The following WASHC2A variants were observed in gnomAD, a reference collection of about 807,000 sequenced individuals.
The protein encoded by WASHC2A is WASH complex subunit 2A, also known as WASH complex subunit FAM21A.
In WASHC2A, 82 loss-of-function variants were observed where a neutral mutation model predicts 140.3. The ratio of observed to expected loss-of-function variants is 0.58; its 90% confidence interval spans 0.49 to 0.70. WASHC2A has a LOEUF of 0.70. Among genes scored for constraint, WASHC2A ranks in the 30% least tolerant of loss-of-function variants. WASHC2A has a pLI of 0.00. For missense variants in WASHC2A, 985 were observed against 1,521.8 expected (o/e 0.65, Z 5.87); for synonymous variants, 340 against 560.8 (o/e 0.61, Z 5.56).
chr10:50,091,565 G>A lies in WASHC2A; in HGVS notation c.931+47G>A, dbSNP rs1403188424. On this transcript the variant is annotated intron_variant, in intron 10 of 30. Coordinates refer to ENST00000282633, the MANE Select transcript of WASHC2A (RefSeq NM_001005751.3). ...GGGGAGTAGGGGGGGAGTAGTGCAG[G>A]GCCCTCTGCTGGCTTCACCAAAGGC... The A allele has an allele frequency of 4.4e-4, 677 of 1,547,744 alleles. 2 individuals are homozygous for A. The highest frequency in any genetic ancestry group is 1.7e-3 in the South Asian group (145 of 83,900).
intron 3 of WASHC2A, among the ~76,000 whole-genome samples, chr10:50,069,953 G>T (rs187397031): frequency 9.9e-5 from 15 of 152,016 alleles, no homozygotes; most frequent in African/African-American, 3.6e-4. Flanking sequence ...ATCTTTTGTC[G>T]TTTTGAGAGT....
At chr10:50,115,813 A>T (rs1842624933) in intron 21 of WASHC2A, among the ~76,000 whole-genome samples, 1 of 150,868 alleles carries the variant, frequency 6.6e-6, no homozygotes, top group Non-Finnish European at 1.5e-5. Flanking sequence ...ATTTTCTGAC[A>T]CCTATCAAGA....
chr10:50,078,568 C>T lies in WASHC2A; in HGVS notation c.292-107C>T, dbSNP rs879988445. ...TGGTCTCAGCCCTTTGCTGAATAACCATTTCCTTCCCCATCTTTGTCCTTA... is the reference window on the plus strand; with the variant it reads ...TGGTCTCAGCCCTTTGCTGAATAACTATTTCCTTCCCCATCTTTGTCCTTA... On this transcript the variant is annotated intron_variant, in intron 3 of 30. Transcript: ENST00000282633. The T allele has an allele frequency of 1.7e-5, 28 of 1,610,310 alleles. No individual in the cohort carries two copies. The South Asian group carries it at 2.6e-4, about 15-fold the overall frequency.
chr10:50,075,837 CT>C (rs1178908112), intron 3 of WASHC2A, among the ~76,000 whole-genome samples: 2 of 149,870 alleles, frequency 1.3e-5, no homozygotes, highest in African/African-American at 5.0e-5. Context: ...CCCATAATCT[CT>C]TTTTATTCAG....
chr10:50,090,538 TTA>T (rs1287651401), intron 8 of WASHC2A, among the ~76,000 whole-genome samples: 5 of 85,522 alleles, frequency 5.8e-5, no homozygotes, highest in Admixed American at 1.4e-4. Flanking sequence ...ATATTTATAT[TTA>T]TATATATATA....
intron 23 of WASHC2A, among the ~76,000 whole-genome samples, chr10:50,123,185 G>A (rs1843142642): frequency 8.2e-6 from 1 of 122,386 alleles, no homozygotes; most frequent in Non-Finnish European, 1.7e-5. Flanking sequence ...TTGGAGAACA[G>A]TTTGCTGTTC....
At chr10:50,082,346 T>G (rs1187181141) in intron 5 of WASHC2A, among the ~76,000 whole-genome samples, 6 of 151,932 alleles carry the variant, frequency 3.9e-5, no homozygotes, top group Non-Finnish European at 7.4e-5. Flanking sequence ...GTCAGAATTA[T>G]TCTCCCCTGC....
intron 17 of WASHC2A, among the ~76,000 whole-genome samples, chr10:50,100,969 C>T (rs1280568301): frequency 2.0e-5 from 3 of 152,308 alleles, no homozygotes; most frequent in African/African-American, 7.2e-5. Flanking sequence ...TAATAAGCCC[C>T]TTTTACAGAA....
intron 8 of WASHC2A, among the ~76,000 whole-genome samples, chr10:50,090,515 A>AAAATATATATATATATATAT (rs1214596899): frequency 3.7e-5 from 4 of 108,766 alleles, no homozygotes; most frequent in African/African-American, 1.3e-4. Context: ...AAAAAAAAAA[A>AAAATATATATATATATATAT]ATATATATAT....
chr10:50,116,573 A>G (rs1182372007), intron 21 of WASHC2A, among the ~76,000 whole-genome samples: 1 of 149,770 alleles, frequency 6.7e-6, no homozygotes, highest in Non-Finnish European at 1.5e-5. Flanking sequence ...TTGGCCTCCC[A>G]AAGTGCTTGG....
chr10:50,106,890 T>G (rs1479831924), intron 19 of WASHC2A, among the ~76,000 whole-genome samples: 14 of 18,164 alleles, frequency 7.7e-4, no homozygotes, highest in South Asian at 8.1e-3. Context: ...GTGTCAATTT[T>G]ATGCAGTCTG....
intron 3 of WASHC2A, among the ~76,000 whole-genome samples, chr10:50,075,131 CTT>C (rs1433467308): frequency 1.5e-4 from 22 of 151,706 alleles, no homozygotes; most frequent in Non-Finnish European, 2.4e-4. Context: ...ATCTTTGAGA[CTT>C]TTGTGAATAT....
chr10:50,088,793 T>TA (rs1839613170), intron 8 of WASHC2A, among the ~76,000 whole-genome samples: 1 of 122,970 alleles, frequency 8.1e-6, no homozygotes, highest in East Asian at 2.2e-4. Flanking sequence ...AATGTTTAAC[T>TA]ATCAAATGAA....
At chr10:50,103,627 G>A (rs1369925721) in intron 17 of WASHC2A, among the ~76,000 whole-genome samples, 2 of 152,020 alleles carry the variant, frequency 1.3e-5, no homozygotes, top group African/African-American at 4.8e-5. Context: ...AATAGTTGTA[G>A]CTCCATTAAT....
chr10:50,095,637 A>C lies in WASHC2A; in HGVS notation c.1279A>C (p.Met427Leu), dbSNP rs200893903. 2.9e-3 allele frequency: 4,684 copies of C among 1,609,810 alleles called. 96 individuals are homozygous for C. The African/African-American group carries it at 0.047, about 16-fold the overall frequency. ...GTTTGGTGCTGCCTCCGTTCCATCA[A>C]TGAAGGAGCCACAGAAGCCTGAGCA... ...DVFGAASVPSMKEPQKPEQPT... is the reference protein window; with the variant it reads ...DVFGAASVPSLKEPQKPEQPT... Residue 427 changes from methionine to leucine, a missense_variant, in exon 15 of 31, where the codon ATG (methionine) becomes CTG (leucine). Physicochemically the swap from Met to Leu is conservative, Grantham distance 15. Transcript: ENST00000282633.
chr10:50,094,969 A>G (rs1400642161), intron 13 of WASHC2A, among the ~76,000 whole-genome samples, 179 bp from the exon 14 acceptor site: 2 of 152,066 alleles, frequency 1.3e-5, no homozygotes, highest in Admixed American at 6.6e-5. Flanking sequence ...CCCCAAAAAA[A>G]AGTCCTGACA....
At chr10:50,120,895 G>GGC (rs1218405779) in intron 23 of WASHC2A, among the ~76,000 whole-genome samples, 2 of 143,322 alleles carry the variant, frequency 1.4e-5, no homozygotes, top group Non-Finnish European at 3.0e-5. Context: ...AGAATTAAAA[G>GGC]GCGCATGATC....
At chr10:50,068,729 T>G (rs1230255951) in intron 2 of WASHC2A, among the ~76,000 whole-genome samples, 13 of 149,548 alleles carry the variant, frequency 8.7e-5, no homozygotes, top group Non-Finnish European at 1.6e-4. Flanking sequence ...AGAGGACTTT[T>G]AAAAGGAGAC....
intron 21 of WASHC2A, among the ~76,000 whole-genome samples, chr10:50,115,968 T>G (rs1398965979): frequency 2.0e-5 from 3 of 151,532 alleles, no homozygotes; most frequent in African/African-American, 7.3e-5. Context: ...ATACAAAAAT[T>G]AGCCAGGCAT....
Sources: gnomAD v4.1 joint callset for allele counts (sites outside exome capture counted in the v4.1 genomes callset) on GRCh38, gnomAD v4.1.1 for gene constraint, MANE v1.5 for transcripts, NCBI Gene and HGNC (gene_info 2026-07-23, HGNC 2026-07-21) for gene names.